Variants in DLC1 observed in about 807,000 individuals in gnomAD.
DLC1 encodes the protein rho GTPase-activating protein 7.
DLC1 carries 54 observed loss-of-function variants against 140.3 expected under a neutral mutation model. That is an observed-to-expected ratio of 0.38 (90% CI 0.31 to 0.48). The LOEUF is 0.48. Ranked by LOEUF, DLC1 falls within the 20% of genes least tolerant of loss-of-function variation. The probability of loss-of-function intolerance (pLI) is 0.96; values close to 1 mark genes in which losing one functional copy is unlikely to be tolerated. For missense variants in DLC1, 2,536 were observed against 1,907.0 expected, an observed-to-expected ratio of 1.33 and a Z score of -6.14; for synonymous variants, 986 against 728.1, an observed-to-expected ratio of 1.35 and a Z score of -5.70.
At chr8:13,545,488 C>A (rs901062213) in intron 1 of DLC1, among the ~76,000 whole-genome samples, 2 of 152,002 alleles carry the variant, frequency 1.3e-5, no homozygotes, top group Non-Finnish European at 2.9e-5. Flanking sequence ...TAGCTTTTTC[C>A]ATGTCCAAAT....
chr8:13,402,952 C>T (rs886213210), intron 2 of DLC1, among the ~76,000 whole-genome samples: 1 of 152,056 alleles, frequency 6.6e-6, no homozygotes, highest in South Asian at 2.1e-4. Flanking sequence ...TTTCACATGT[C>T]GGATAATTGG....
At chr8:13,567,343 G>T (rs1477969215) in intron 1 of DLC1, 14 of 1,551,542 alleles carry the variant, frequency 9.0e-6, no homozygotes, top group Non-Finnish European at 1.2e-5. Context: ...ATCAGATGAA[G>T]AATTGAATGC....
At chr8:13,577,954 G>A (rs866866269) in intron 1 of DLC1, among the ~76,000 whole-genome samples, 2 of 151,998 alleles carry the variant, frequency 1.3e-5, no homozygotes, top group Admixed American at 1.3e-4. Context: ...GGGGACATAA[G>A]GGTGGAAGCA....
At chr8:13,536,399 C>T (rs967642859) in intron 1 of DLC1, among the ~76,000 whole-genome samples, 2 of 152,148 alleles carry the variant, frequency 1.3e-5, no homozygotes, top group Non-Finnish European at 2.9e-5. Context: ...TTTAATGCAG[C>T]TCAGAGTGGT....
intron 4 of DLC1, among the ~76,000 whole-genome samples, chr8:13,313,503 A>C (rs1280817720): frequency 1.3e-5 from 2 of 152,186 alleles, no homozygotes; most frequent in African/African-American, 4.8e-5. Flanking sequence ...TATAGTATCT[A>C]CATCCTGGGG....
At chr8:13,210,089 AC>A (rs1281977371) in intron 5 of DLC1, among the ~76,000 whole-genome samples, 2 of 152,058 alleles carry the variant, frequency 1.3e-5, no homozygotes, top group Non-Finnish European at 2.9e-5. Flanking sequence ...TTTTTTTCTT[AC>A]TCTCAAATTT....
At chr8:13,152,166 TTAGAC>T (rs1207198791) in intron 5 of DLC1, among the ~76,000 whole-genome samples, 27 of 152,356 alleles carry the variant, frequency 1.8e-4, no homozygotes, top group Admixed American at 5.9e-4. Flanking sequence ...GGTTGGTTCT[TTAGAC>T]AAAGTCCAGA....
chr8:13,165,474 C>T (rs886962888), intron 5 of DLC1, among the ~76,000 whole-genome samples: 4 of 152,184 alleles, frequency 2.6e-5, no homozygotes, highest in African/African-American at 9.7e-5. Flanking sequence ...ATAAAGTGCT[C>T]CAGACCCAAA....
intron 3 of DLC1, among the ~76,000 whole-genome samples, chr8:13,398,234 A>G (rs1837136768): frequency 6.6e-6 from 1 of 152,154 alleles, no homozygotes; most frequent in Admixed American, 6.6e-5. Flanking sequence ...AAAGGAAGGG[A>G]TGAGCTAGAG....
At chr8:13,362,544 A>G (rs1030302398) in intron 4 of DLC1, among the ~76,000 whole-genome samples, 6 of 151,790 alleles carry the variant, frequency 4.0e-5, no homozygotes, top group African/African-American at 1.5e-4. Flanking sequence ...TCCACTCCTG[A>G]ACGTGGACAT....
At chr8:13,413,349 G>GC (rs531233832) in intron 2 of DLC1, among the ~76,000 whole-genome samples, 1 of 138,266 alleles carries the variant, frequency 7.2e-6, no homozygotes, top group Non-Finnish European at 1.5e-5. Context: ...TTCCAATGTG[G>GC]CCCGGGGAAG....
intron 2 of DLC1, among the ~76,000 whole-genome samples, chr8:13,492,737 T>C (rs1196813043): frequency 6.6e-6 from 1 of 152,204 alleles, no homozygotes; most frequent in Non-Finnish European, 1.5e-5. Flanking sequence ...TGATTGATTT[T>C]ACCAGACGCT....
chr8:13,113,093 A>G (rs186850708), intron 6 of DLC1, among the ~76,000 whole-genome samples: 4 of 152,344 alleles, frequency 2.6e-5, no homozygotes, highest in African/African-American at 9.6e-5. Flanking sequence ...TAGGTATTAA[A>G]TGCAAGTGAG....
chr8:13,516,890 G>T (rs924725861), upstream of DLC1, among the ~76,000 whole-genome samples: 2 of 152,028 alleles, frequency 1.3e-5, no homozygotes, highest in African/African-American at 4.8e-5. Flanking sequence ...AAGTGCCCAG[G>T]TCCACACTGG....
intron 1 of DLC1, among the ~76,000 whole-genome samples, chr8:13,555,788 C>T (rs115186936): frequency 0.061 from 9,295 of 152,016 alleles, 398 homozygotes; most frequent in South Asian, 0.18. Context: ...AGGCATGAGA[C>T]ACCGGGCCTG....
chr8:13,184,844 G>A (rs1169233915), intron 5 of DLC1, among the ~76,000 whole-genome samples: 2 of 152,130 alleles, frequency 1.3e-5, no homozygotes, highest in Admixed American at 1.3e-4. Flanking sequence ...TTCAAGTCCT[G>A]GATATCCTTA....
chr8:13,287,882 C>CT lies in DLC1; in HGVS notation c.1348+17386dup, dbSNP rs577635071. 9.5e-3 allele frequency among the ~76,000 whole-genome samples: 1,370 copies of CT among 144,206 alleles called. 17 individuals carry two copies. Among genetic ancestry groups the CT allele is most frequent in the African/African-American group, 0.03 (1,185 of 39,506 alleles). The allele number at this position is 144,206 out of a possible 152,430, so 94.6% of individuals were successfully genotyped here. A position where few individuals can be genotyped will look rare whatever the true frequency, so the allele number is the denominator to read the frequency against. ...TAAGGTAGATTTTCCTTTTATCTAGCTTTTTTTTTTTAGGAAATAGAATTT... is the reference window on the plus strand; with the variant it reads ...TAAGGTAGATTTTCCTTTTATCTAGCTTTTTTTTTTTTAGGAAATAGAATTT... On this transcript the variant is annotated intron_variant, in intron 5 of 17. Coordinates refer to ENST00000276297, the MANE Select transcript of DLC1 (RefSeq NM_182643.3).
At position 13,102,812 on chromosome 8, in the gene DLC1, TCTAG is replaced by T; in HGVS notation, c.1540_1543del (p.Leu514LysfsTer68). 1 of 1,614,076 alleles carries T rather than the reference TCTAG, an allele frequency of 6.2e-7. No individual in the cohort carries two copies. The highest frequency in any genetic ancestry group is 8.5e-7 in the Non-Finnish European group (1 of 1,179,992). On this transcript the variant is annotated frameshift_variant, in exon 8 of 18. Transcript: ENST00000276297. LOFTEE classifies it high-confidence loss of function. ...CACTCGTTTCCGATGAGGACTAATTTCTAGCTTCATCACCGCACATTTGTTTAAA... is the reference window on the plus strand; with the variant it reads ...CACTCGTTTCCGATGAGGACTAATTTCTTCATCACCGCACATTTGTTTAAA...
intron 5 of DLC1, among the ~76,000 whole-genome samples, chr8:13,132,383 A>T (rs2128963835): frequency 6.6e-6 from 1 of 152,138 alleles, no homozygotes; most frequent in Non-Finnish European, 1.5e-5. Context: ...TTACCCAAAA[A>T]TGGTTGAAAA....
Sources: allele counts gnomAD v4.1 joint callset (sites outside exome capture counted in the v4.1 genomes callset), GRCh38; gene constraint gnomAD v4.1.1; transcripts MANE v1.5; gene names NCBI Gene and HGNC (gene_info 2026-07-23, HGNC 2026-07-21).